GABRG3: variants seen among roughly 807,000 people sequenced by gnomAD.
GABRG3 encodes gamma-aminobutyric acid receptor subunit gamma-3.
Under a neutral mutation model 48.8 loss-of-function variants are expected in GABRG3, and 25 were observed. The ratio of observed to expected loss-of-function variants is 0.51; its 90% CI spans 0.37 to 0.72. The LOEUF (loss-of-function observed/expected upper bound fraction) is 0.72. GABRG3 is among the 30% of genes least tolerant of loss of function. The pLI, the probability that GABRG3 is intolerant of heterozygous loss-of-function variation, is 0.00. For missense variants in GABRG3, 394 were observed against 577.9 expected, an observed-to-expected ratio of 0.68 and a Z score of 3.26; for synonymous variants, 227 against 217.6, an observed-to-expected ratio of 1.04 and a Z score of -0.38.
At chr15:27,233,653 T>C (rs1481994180) in intron 3 of GABRG3, among the ~76,000 whole-genome samples, 2 of 151,952 alleles carry the variant, frequency 1.3e-5, no homozygotes, top group African/African-American at 2.4e-5. Context: ...CCTTGGGGAG[T>C]CGACTTTCAA....
intron 3 of GABRG3, among the ~76,000 whole-genome samples, chr15:27,304,409 T>A (rs188422932): frequency 1.0e-3 from 154 of 152,092 alleles, no homozygotes; most frequent in South Asian, 6.8e-3. Flanking sequence ...TTTATTTTTT[T>A]AAAAAAATCA....
At chr15:27,317,371 T>A (rs1893266913) in intron 3 of GABRG3, among the ~76,000 whole-genome samples, 1 of 152,198 alleles carries the variant, frequency 6.6e-6, no homozygotes, top group South Asian at 2.1e-4. Flanking sequence ...ATCCTGTTTG[T>A]TTTTACCAAT....
intron 3 of GABRG3, among the ~76,000 whole-genome samples, chr15:27,143,754 C>G (rs1898148248): frequency 6.6e-6 from 1 of 152,084 alleles, no homozygotes; most frequent in Non-Finnish European, 1.5e-5. Context: ...TTTGAAATGA[C>G]CCTTTCTAAA....
At chr15:27,248,831 G>A (rs11636737) in intron 3 of GABRG3, among the ~76,000 whole-genome samples, 13,175 of 127,924 alleles carry the variant, frequency 0.1, 788 homozygotes, top group African/African-American at 0.14. Context: ...GAGAGAGAGA[G>A]AGAGACAGAG....
chr15:27,153,691 A>G (rs996624058), intron 3 of GABRG3, among the ~76,000 whole-genome samples: 3 of 152,024 alleles, frequency 2.0e-5, no homozygotes, highest in African/African-American at 7.2e-5. Flanking sequence ...TTCTCAACGT[A>G]TATATTTTTT....
chr15:27,127,050 TAAAAG>T (rs913844831), intron 3 of GABRG3, among the ~76,000 whole-genome samples: 9 of 152,036 alleles, frequency 5.9e-5, no homozygotes, highest in African/African-American at 2.2e-4. Context: ...GGCAGGGCAT[TAAAAG>T]AAAAAGATGA....
Position 26,994,375 on chromosome 15 carries a change from T to G in GABRG3, c.202+17225T>G, listed in dbSNP as rs374499794. On this transcript the variant is annotated intron_variant, in intron 2 of 9. Transcript: ENST00000615808. ...TGTATACGTTTTATGTTTTTTGATT[T>G]GAGGTTCCCATGAGGCTTGCAAATA... Among the ~76,000 whole-genome samples the G allele has an allele frequency of 1.6e-4, 25 of 152,148 alleles. No individual in the cohort carries two copies. In the South Asian group the frequency reaches 2.5e-3, roughly 15 times the overall value.
intron 3 of GABRG3, among the ~76,000 whole-genome samples, chr15:27,111,442 C>T (rs1897547251): frequency 6.6e-6 from 1 of 152,130 alleles, no homozygotes. Context: ...GTGCCTTGTA[C>T]TTTTTTACTG....
intron 3 of GABRG3, among the ~76,000 whole-genome samples, chr15:27,250,411 T>C (rs1890416668): frequency 6.6e-6 from 1 of 152,252 alleles, no homozygotes; most frequent in African/African-American, 2.4e-5. Flanking sequence ...GTGTTTTATG[T>C]GCACATTTCT....
chr15:27,087,058 G>A (rs1481005488), intron 3 of GABRG3, among the ~76,000 whole-genome samples: 1 of 152,240 alleles, frequency 6.6e-6, no homozygotes, highest in Admixed American at 6.5e-5. Flanking sequence ...ACAGTAACAG[G>A]TTGCACGGGG....
intron 3 of GABRG3, among the ~76,000 whole-genome samples, chr15:27,307,262 T>A (rs1376425617): frequency 7.3e-6 from 1 of 136,556 alleles, no homozygotes. Context: ...ATGTTCATAT[T>A]ATATGTTTAT....
In GABRG3 at chr15:27,523,981, A is replaced by G. The variant is rs145267398; in HGVS notation, c.866-3452A>G. Among the ~76,000 whole-genome samples the G allele has an allele frequency of 2.8e-3, 430 of 152,202 alleles. 3 individuals carry two copies. The highest frequency in any genetic ancestry group is 1.0e-2 in the African/African-American group (414 of 41,586). On this transcript the variant is annotated intron_variant, in intron 7 of 9. Coordinates refer to ENST00000615808, the MANE Select transcript of GABRG3 (RefSeq NM_033223.5). Reference sequence around the variant, plus strand: ...GCTAAAAAAAATATTCAAAGAAACAATGGATAAAAAATACTCAAATTTGCC... The same window carrying G: ...GCTAAAAAAAATATTCAAAGAAACAGTGGATAAAAAATACTCAAATTTGCC...
rs1887343088 is a variant in GABRG3 at position 27,397,562 on chromosome 15, G to A, written c.574+68674G>A. On this transcript the variant is annotated intron_variant, in intron 5 of 9. Coordinates refer to ENST00000615808, the MANE Select transcript of GABRG3 (RefSeq NM_033223.5). ...CACCATACTTCCTCTGCCAGATTGA[G>A]GGCGTATTCCCTTGGATTTTTTAAT... 2.0e-5 allele frequency among the ~76,000 whole-genome samples: 3 copies of A among 152,046 alleles called. No homozygotes were observed. In the South Asian group the frequency reaches 6.2e-4, roughly 31 times the overall value.
chr15:27,509,554 T>C (rs745684460), intron 6 of GABRG3, among the ~76,000 whole-genome samples: 1 of 152,228 alleles, frequency 6.6e-6, no homozygotes, highest in Non-Finnish European at 1.5e-5. Context: ...CTTTTTGTTT[T>C]AGATTGGCTA....
intron 3 of GABRG3, among the ~76,000 whole-genome samples, chr15:27,115,601 G>A (rs927984788): frequency 6.6e-6 from 1 of 152,168 alleles, no homozygotes; most frequent in African/African-American, 2.4e-5. Context: ...CCTTTACTAG[G>A]TGCTAAGACT....
At chr15:26,983,327 C>T (rs537705095) in intron 2 of GABRG3, among the ~76,000 whole-genome samples, 1 of 152,204 alleles carries the variant, frequency 6.6e-6, no homozygotes, top group African/African-American at 2.4e-5. Flanking sequence ...GACCCTGGTA[C>T]ACCCTGGGAG....
chr15:27,136,998 C>T (rs1898020323), intron 3 of GABRG3, among the ~76,000 whole-genome samples: 1 of 152,184 alleles, frequency 6.6e-6, no homozygotes, highest in Admixed American at 6.5e-5. Flanking sequence ...TGAGATGCTT[C>T]CTTACCTGAA....
At chr15:27,309,072 C>CACAG (rs1555370489) in intron 3 of GABRG3, among the ~76,000 whole-genome samples, 4 of 145,952 alleles carry the variant, frequency 2.7e-5, no homozygotes, top group African/African-American at 1.1e-4. Context: ...ATAATGTAAA[C>CACAG]ATGTTTATAT....
At chr15:27,164,996 A>G (rs958937073) in intron 3 of GABRG3, among the ~76,000 whole-genome samples, 3 of 152,208 alleles carry the variant, frequency 2.0e-5, no homozygotes, top group Admixed American at 2.0e-4. Context: ...CTTGGATAAG[A>G]ACTTTTTTCA....
Sources: allele counts gnomAD v4.1 joint callset (sites outside exome capture counted in the v4.1 genomes callset), GRCh38; gene constraint gnomAD v4.1.1; transcripts MANE v1.5; gene names NCBI Gene and HGNC (gene_info 2026-07-23, HGNC 2026-07-21).